MACROD2: variants seen among roughly 807,000 people sequenced by gnomAD.
MACROD2 encodes the protein ADP-ribose glycohydrolase MACROD2.
A neutral mutation model predicts 70.4 loss-of-function variants in MACROD2; 36 were observed. That is an observed-to-expected ratio of 0.51 (90% CI 0.39 to 0.68). MACROD2 has a LOEUF of 0.68. MACROD2 is among the 30% of genes least tolerant of loss of function. The pLI is 0.00. For missense variants in MACROD2, 496 were observed against 538.4 expected, an observed-to-expected ratio of 0.92 and a Z score of 0.78; for synonymous variants, 172 against 178.8, an observed-to-expected ratio of 0.96 and a Z score of 0.30.
intron 3 of MACROD2, among the ~76,000 whole-genome samples, chr20:14,230,631 T>TTATATATATATATATA (rs71190119): frequency 3.2e-5 from 3 of 94,256 alleles, no homozygotes; most frequent in African/African-American, 1.7e-4. Context: ...TCATTCATGT[T>TTATATATATATATATA]TATATATATA....
chr20:15,455,481 C>T (rs886464962), intron 7 of MACROD2, among the ~76,000 whole-genome samples: 1 of 152,164 alleles, frequency 6.6e-6, no homozygotes, highest in African/African-American at 2.4e-5. Flanking sequence ...TAAATGAAAA[C>T]GTCAGGGCCC....
intron 3 of MACROD2, among the ~76,000 whole-genome samples, chr20:14,455,040 C>G (rs2084286328): frequency 6.6e-6 from 1 of 151,814 alleles, no homozygotes; most frequent in Non-Finnish European, 1.5e-5. Flanking sequence ...TTCTGTTGCA[C>G]TGTGCTGTCG....
chr20:15,554,353 GC>G (rs773620454), intron 8 of MACROD2, among the ~76,000 whole-genome samples: 7 of 152,038 alleles, frequency 4.6e-5, no homozygotes, highest in Non-Finnish European at 7.4e-5. Context: ...ATTTCTCTCT[GC>G]CCACAAAGGA....
In MACROD2 at chr20:15,334,291, C is replaced by G. The variant is rs930394464; in HGVS notation, c.541-97114C>G. Among the ~76,000 whole-genome samples, 5 of 148,564 alleles carry G rather than the reference C, an allele frequency of 3.4e-5. 1 individual carries two copies. Among genetic ancestry groups the G allele is most frequent in the Admixed American group, 1.4e-4 (2 of 14,746 alleles). ...TAACTTTCTAAGTTCTTTTTTTCCTCTATCATAGAGTTCCATTGGCCAATA... is the reference window on the plus strand; with the variant it reads ...TAACTTTCTAAGTTCTTTTTTTCCTGTATCATAGAGTTCCATTGGCCAATA... On this transcript the variant is annotated intron_variant, in intron 6 of 17. Transcript: ENST00000684519.
chr20:14,237,853 G>A lies in MACROD2; in HGVS notation c.271+152125G>A, dbSNP rs186067854. Among the ~76,000 whole-genome samples, 717 of 152,072 alleles carry A rather than the reference G, an allele frequency of 4.7e-3. 9 individuals carry two copies. Among genetic ancestry groups the A allele is most frequent in the African/African-American group, 0.016 (657 of 41,460 alleles). ...AATGATGGTTTCCAGCTTCATCCATGTCCCCACAAAGGACATGAACTCATC... is the reference window on the plus strand; with the variant it reads ...AATGATGGTTTCCAGCTTCATCCATATCCCCACAAAGGACATGAACTCATC... On this transcript the variant is annotated intron_variant, in intron 3 of 17. Transcript: ENST00000684519.
intron 5 of MACROD2, among the ~76,000 whole-genome samples, chr20:15,153,608 A>G (rs2076286829): frequency 6.6e-6 from 1 of 152,200 alleles, no homozygotes; most frequent in South Asian, 2.1e-4. Flanking sequence ...ACATGACAAC[A>G]TGGACCTGTC....
rs1430943556 is a variant in MACROD2, at chr20:15,797,230, C to T, written c.646-65515C>T. On this transcript the variant is annotated intron_variant, in intron 8 of 17. Coordinates refer to ENST00000684519, the MANE Select transcript of MACROD2 (RefSeq NM_001351661.2). ...CCAGGTTCACGCCATTCTCCTGCCTCAGCCTCCCTAGTAGCTGGGACTACA... is the reference window on the plus strand; with the variant it reads ...CCAGGTTCACGCCATTCTCCTGCCTTAGCCTCCCTAGTAGCTGGGACTACA... Among the ~76,000 whole-genome samples the T allele has an allele frequency of 2.6e-5, 4 of 152,180 alleles. No homozygotes were observed. The East Asian group carries it at 7.7e-4, about 29-fold the overall frequency.
At chr20:15,181,592 CTT>C (rs890008587) in intron 5 of MACROD2, among the ~76,000 whole-genome samples, 5 of 152,024 alleles carry the variant, frequency 3.3e-5, no homozygotes, top group African/African-American at 1.2e-4. Flanking sequence ...GTTATATAAC[CTT>C]TTTTTGCTAA....
At chr20:15,545,277 G>T (rs1384060309) in intron 8 of MACROD2, among the ~76,000 whole-genome samples, 1 of 152,188 alleles carries the variant, frequency 6.6e-6, no homozygotes, top group Non-Finnish European at 1.5e-5. Flanking sequence ...TAATATGAAG[G>T]TTTCCTTAAA....
At chr20:15,584,715 G>T (rs1053131412) in intron 8 of MACROD2, among the ~76,000 whole-genome samples, 5 of 152,176 alleles carry the variant, frequency 3.3e-5, no homozygotes, top group African/African-American at 4.8e-5. Context: ...CCATGCCGGG[G>T]CTGGTTACCA....
chr20:15,462,969 G>T (rs1182691715), intron 7 of MACROD2, among the ~76,000 whole-genome samples: 2 of 152,294 alleles, frequency 1.3e-5, no homozygotes, highest in South Asian at 4.1e-4. Flanking sequence ...TATGAATTTG[G>T]TAACGTTTAA....
intron 5 of MACROD2, among the ~76,000 whole-genome samples, chr20:14,863,083 C>T (rs1263733723): frequency 6.6e-6 from 1 of 151,956 alleles, no homozygotes; most frequent in Non-Finnish European, 1.5e-5. Context: ...GGGTTGGCTT[C>T]AAATGAGATC....
At chr20:15,204,130 T>G (rs984964502) in intron 5 of MACROD2, among the ~76,000 whole-genome samples, 4 of 152,086 alleles carry the variant, frequency 2.6e-5, no homozygotes, top group African/African-American at 9.7e-5. Flanking sequence ...TATTAGAAAT[T>G]TCCATTGTCC....
intron 4 of MACROD2, among the ~76,000 whole-genome samples, chr20:14,591,356 T>C (rs1011818217): frequency 7.9e-5 from 12 of 152,236 alleles, no homozygotes; most frequent in African/African-American, 2.9e-4. Context: ...CTCAAATTAT[T>C]ATATATCAAC....
chr20:14,228,120 T>A (rs1219457235), intron 3 of MACROD2, among the ~76,000 whole-genome samples: 1 of 151,930 alleles, frequency 6.6e-6, no homozygotes, highest in Non-Finnish European at 1.5e-5. Flanking sequence ...AGAGCATCAT[T>A]CTGCAATTTA....
chr20:14,241,355 G>A (rs1375520036), intron 3 of MACROD2, among the ~76,000 whole-genome samples: 1 of 152,186 alleles, frequency 6.6e-6, no homozygotes, highest in East Asian at 1.9e-4. Context: ...AAGGCTTATA[G>A]AATCAGTATG....
chr20:14,265,296 G>A (rs913140113), intron 3 of MACROD2, among the ~76,000 whole-genome samples: 2 of 152,138 alleles, frequency 1.3e-5, no homozygotes, highest in African/African-American at 4.8e-5. Flanking sequence ...CCTGGTAAGG[G>A]TTGTATGATG....
At position 14,377,066 on chromosome 20, in the gene MACROD2, T is replaced by C. The variant is rs146664416; in HGVS notation, c.272-116413T>C. 4.7e-3 allele frequency among the ~76,000 whole-genome samples: 717 copies of C among 152,254 alleles called. 11 individuals are homozygous for C. Among genetic ancestry groups the C allele is most frequent in the African/African-American group, 0.016 (672 of 41,560 alleles). ...CTCCAATTAGCTTGCTGTGGGACCT[T>C]GAGCAAGTCACTCCTAGCCTTTTCT... On this transcript the variant is annotated intron_variant, in intron 3 of 17. Coordinates refer to ENST00000684519, the MANE Select transcript of MACROD2 (RefSeq NM_001351661.2).
At chr20:15,501,837 G>T (rs999756702) in intron 8 of MACROD2, among the ~76,000 whole-genome samples, 14 of 152,100 alleles carry the variant, frequency 9.2e-5, no homozygotes, top group Non-Finnish European at 1.8e-4. Flanking sequence ...GCAGTATTTT[G>T]ATTTATTTTT....
Sources: gnomAD v4.1 joint callset for allele counts (sites outside exome capture counted in the v4.1 genomes callset) on GRCh38, gnomAD v4.1.1 for gene constraint, MANE v1.5 for transcripts, NCBI Gene and HGNC (gene_info 2026-07-23, HGNC 2026-07-21) for gene names.